Variants in FGF12 observed in about 807,000 individuals in gnomAD.
The protein encoded by FGF12 is fibroblast growth factor 12, also known as fibroblast growth factor 12B.
A neutral mutation model predicts 23.6 loss-of-function variants in FGF12; 14 were observed. The ratio of observed to expected loss-of-function variants is 0.59; its 90% CI spans 0.39 to 0.93. The LOEUF is 0.93. Among genes scored for constraint, FGF12 ranks in the 40% least tolerant of loss-of-function variants. FGF12 has a pLI of 0.00. For missense variants in FGF12, 175 were observed against 217.8 expected, an observed-to-expected ratio of 0.80 and a Z score of 1.24; for synonymous variants, 62 against 77.3, an observed-to-expected ratio of 0.80 and a Z score of 1.04.
chr3:192,347,439 G>A (rs745982323), intron 3 of FGF12, among the ~76,000 whole-genome samples: 19 of 152,150 alleles, frequency 1.2e-4, no homozygotes, highest in Non-Finnish European at 2.6e-4. Flanking sequence ...TGGTCCTCCT[G>A]CAGACTTCCT....
intron 2 of FGF12, among the ~76,000 whole-genome samples, chr3:192,709,925 C>T (rs79099647): frequency 1.3e-5 from 2 of 152,246 alleles, no homozygotes; most frequent in Non-Finnish European, 2.9e-5. Flanking sequence ...CCTGTTTTGC[C>T]AACTCATGGC....
intron 4 of FGF12, among the ~76,000 whole-genome samples, chr3:192,276,782 T>C (rs1194917708): frequency 6.6e-6 from 1 of 152,156 alleles, no homozygotes; most frequent in Non-Finnish European, 1.5e-5. Context: ...GAAAAAATTA[T>C]CTGACCTACC....
intron 2 of FGF12, among the ~76,000 whole-genome samples, chr3:192,558,854 C>A (rs915601831): frequency 6.6e-6 from 1 of 151,796 alleles, no homozygotes; most frequent in Non-Finnish European, 1.5e-5. Context: ...AATGGAGAAA[C>A]AATAGTCTCT....
At chr3:192,158,519 T>C (rs2108599955) in intron 5 of FGF12, among the ~76,000 whole-genome samples, 1 of 149,666 alleles carries the variant, frequency 6.7e-6, no homozygotes, top group African/African-American at 2.5e-5. Context: ...TTCTTTCTTC[T>C]TTCCTTCCCT....
At chr3:192,694,046 C>T (rs1718028862) in intron 2 of FGF12, among the ~76,000 whole-genome samples, 2 of 152,078 alleles carry the variant, frequency 1.3e-5, no homozygotes, top group South Asian at 4.1e-4. Context: ...GAACTCACAA[C>T]TCAATAACAA....
At chr3:192,350,476 G>T (rs1188811660) in intron 3 of FGF12, among the ~76,000 whole-genome samples, 6 of 152,146 alleles carry the variant, frequency 3.9e-5, no homozygotes, top group Non-Finnish European at 8.8e-5. Flanking sequence ...AGGCAAAGGA[G>T]ACTGAAATAT....
At chr3:192,723,303 A>G (rs1719097112) in intron 2 of FGF12, among the ~76,000 whole-genome samples, 1 of 152,116 alleles carries the variant, frequency 6.6e-6, no homozygotes, top group Admixed American at 6.5e-5. Flanking sequence ...TGTTGTATCC[A>G]AAAACAACCA....
intron 2 of FGF12, among the ~76,000 whole-genome samples, chr3:192,688,407 T>C (rs554956069): frequency 1.3e-5 from 2 of 152,304 alleles, no homozygotes; most frequent in South Asian, 4.1e-4. Flanking sequence ...AACCAGTCTA[T>C]AAAGTTTGGA....
chr3:192,388,544 C>G (rs138601152), intron 2 of FGF12, among the ~76,000 whole-genome samples: 2 of 151,990 alleles, frequency 1.3e-5, no homozygotes, highest in Non-Finnish European at 2.9e-5. Context: ...ATATATGTAT[C>G]ATGCCCTAAA....
intron 2 of FGF12, among the ~76,000 whole-genome samples, chr3:192,505,593 C>T (rs1247853601): frequency 6.6e-6 from 1 of 152,112 alleles, no homozygotes; most frequent in Non-Finnish European, 1.5e-5. Context: ...AAGTCTTGTG[C>T]TATCATCAGA....
intron 2 of FGF12, among the ~76,000 whole-genome samples, chr3:192,633,252 G>A (rs1438860883): frequency 1.3e-5 from 2 of 151,964 alleles, no homozygotes; most frequent in South Asian, 2.1e-4. Context: ...CATCATGTTG[G>A]TCAGGCTGGT....
chr3:192,349,154 C>T (rs759505377), intron 3 of FGF12, among the ~76,000 whole-genome samples: 1 of 151,964 alleles, frequency 6.6e-6, no homozygotes, highest in Admixed American at 6.6e-5. Context: ...TTAATCAAAC[C>T]AGAGACATAT....
chr3:192,507,119 C>T (rs1724332071), intron 2 of FGF12, among the ~76,000 whole-genome samples: 1 of 152,008 alleles, frequency 6.6e-6, no homozygotes, highest in African/African-American at 2.4e-5. Flanking sequence ...GTCTTGATCT[C>T]CTGACCTCGT....
chr3:192,208,695 C>T (rs1303343748), intron 4 of FGF12, among the ~76,000 whole-genome samples: 3 of 152,156 alleles, frequency 2.0e-5, no homozygotes, highest in African/African-American at 7.2e-5. Flanking sequence ...ACAAAAAACA[C>T]TGTTGGGAAC....
At chr3:192,257,805 C>T (rs1326877383) in intron 4 of FGF12, among the ~76,000 whole-genome samples, 1 of 151,998 alleles carries the variant, frequency 6.6e-6, no homozygotes, top group East Asian at 1.9e-4. Flanking sequence ...ACAAGGAATA[C>T]AAATTTACAC....
chr3:192,321,883 A>G (rs1716558453), intron 4 of FGF12, among the ~76,000 whole-genome samples: 1 of 152,126 alleles, frequency 6.6e-6, no homozygotes, highest in Non-Finnish European at 1.5e-5. Context: ...GAAAAGCAGA[A>G]AGTCTTTCTC....
intron 2 of FGF12, among the ~76,000 whole-genome samples, chr3:192,566,707 C>T (rs1712309783): frequency 6.6e-6 from 1 of 152,132 alleles, no homozygotes. Context: ...CTCCTAGTTT[C>T]CCTCAAACAA....
intron 2 of FGF12, among the ~76,000 whole-genome samples, chr3:192,622,663 G>T (rs1242521213): frequency 1.3e-5 from 2 of 152,110 alleles, no homozygotes; most frequent in Non-Finnish European, 2.9e-5. Context: ...ATACCGTTTT[G>T]AACATTAAAT....
intron 4 of FGF12, among the ~76,000 whole-genome samples, chr3:192,176,367 G>A (rs138771296): frequency 6.6e-6 from 1 of 152,302 alleles, no homozygotes; most frequent in African/African-American, 2.4e-5. Flanking sequence ...CTTGAATCAC[G>A]ATGGTTTTTC....
Sources: allele counts gnomAD v4.1 joint callset (sites outside exome capture counted in the v4.1 genomes callset), GRCh38; gene constraint gnomAD v4.1.1; transcripts MANE v1.5; gene names NCBI Gene and HGNC (gene_info 2026-07-23, HGNC 2026-07-21).